The following CAP2 variants were observed in gnomAD, a reference collection of about 807,000 sequenced individuals.
The protein encoded by CAP2 is cyclase associated actin cytoskeleton regulatory protein 2.
Under a neutral mutation model 57.7 loss-of-function variants are expected in CAP2, and 24 were observed. The observed-to-expected ratio is 0.42, with a 90% confidence interval of 0.30 to 0.58. The LOEUF is 0.58. CAP2 is among the 20% of genes least tolerant of loss of function. The probability of loss-of-function intolerance (pLI) is 0.22; values close to 1 mark genes in which losing one functional copy is unlikely to be tolerated. For missense variants in CAP2, 501 were observed against 590.3 expected (o/e 0.85, Z 1.57); for synonymous variants, 194 against 207.2 (o/e 0.94, Z 0.55).
At chr6:17,431,767 T>A (rs1759743877) in intron 3 of CAP2, among the ~76,000 whole-genome samples, 1 of 152,020 alleles carries the variant, frequency 6.6e-6, no homozygotes, top group Non-Finnish European at 1.5e-5. Flanking sequence ...CGAGGCAGGA[T>A]GACATAATTT....
intron 3 of CAP2, among the ~76,000 whole-genome samples, chr6:17,440,855 G>A (rs1465254162): frequency 1.3e-5 from 2 of 150,914 alleles, no homozygotes; most frequent in Non-Finnish European, 2.9e-5. Flanking sequence ...AGTGTGTGAT[G>A]TTCCCCGCCC....
At chr6:17,437,135 T>C (rs1029341950) in intron 3 of CAP2, among the ~76,000 whole-genome samples, 3 of 152,152 alleles carry the variant, frequency 2.0e-5, no homozygotes, top group Non-Finnish European at 4.4e-5. Flanking sequence ...TACAATATAA[T>C]AATAGAAATA....
chr6:17,515,837 G>GT (rs756009848), intron 7 of CAP2, among the ~76,000 whole-genome samples: 9 of 152,088 alleles, frequency 5.9e-5, no homozygotes, highest in Non-Finnish European at 1.2e-4. Context: ...CATGTGAGAT[G>GT]TTGCGCTGAC....
At chr6:17,424,473 C>T (rs994735114) in intron 2 of CAP2, among the ~76,000 whole-genome samples, 8 of 152,186 alleles carry the variant, frequency 5.3e-5, no homozygotes, top group Non-Finnish European at 8.8e-5. Context: ...CAAAGGACCA[C>T]TCTATTATGA....
At chr6:17,538,096 G>A (rs574060995) in intron 7 of CAP2, among the ~76,000 whole-genome samples, 1 of 151,396 alleles carries the variant, frequency 6.6e-6, no homozygotes, top group African/African-American at 2.4e-5. Context: ...ACAGTATATA[G>A]GCCAAGTTTG....
intron 4 of CAP2, among the ~76,000 whole-genome samples, chr6:17,473,545 T>C (rs1313043685): frequency 6.6e-6 from 1 of 152,228 alleles, no homozygotes; most frequent in Non-Finnish European, 1.5e-5. Flanking sequence ...CAAACATATT[T>C]TGACCTTTTA....
intron 4 of CAP2, among the ~76,000 whole-genome samples, chr6:17,470,490 T>G (rs1344671865): frequency 6.6e-6 from 1 of 152,208 alleles, no homozygotes; most frequent in Non-Finnish European, 1.5e-5. Flanking sequence ...TCACATAAGG[T>G]CTGCTCCAGT....
At chr6:17,526,600 C>A (rs1762515749) in intron 7 of CAP2, among the ~76,000 whole-genome samples, 2 of 152,098 alleles carry the variant, frequency 1.3e-5, no homozygotes, top group African/African-American at 4.8e-5. Flanking sequence ...AAACTGTTTT[C>A]TTAAAAAGGG....
In CAP2 at chr6:17,556,411, T is replaced by A. The variant is rs1371456456; in HGVS notation, c.1403T>A (p.Leu468Ter). 1.2e-6 allele frequency: 2 copies of A among 1,613,800 alleles called. No homozygotes were observed. The highest frequency in any genetic ancestry group is 8.5e-7 in the Non-Finnish European group (1 of 1,179,680). The change falls in exon 13 of 13, where the codon TTA becomes TAA. Residue 468 changes from leucine (L) to a stop codon, truncating the protein, a stop_gained. Transcript: ENST00000229922. LOFTEE classifies it high-confidence loss of function. ...AAGACAGCATGGGATGGATCCAAGT[T>A]AATCACTGAACCTGCAGAAATTATG... Reference protein sequence around the residue: ...QFKTAWDGSKLITEPAEIMA With the variant: ...QFKTAWDGSK
intron 11 of CAP2, among the ~76,000 whole-genome samples, chr6:17,547,305 T>C (rs1763069239): frequency 6.6e-6 from 1 of 152,240 alleles, no homozygotes; most frequent in Non-Finnish European, 1.5e-5. Flanking sequence ...CACATAGATC[T>C]ATAGATATAT....
intron 3 of CAP2, among the ~76,000 whole-genome samples, chr6:17,443,885 A>G (rs555606903): frequency 7.9e-4 from 121 of 152,340 alleles, no homozygotes; most frequent in African/African-American, 2.7e-3. Context: ...ATGTTATAAC[A>G]TATTACACAC....
chr6:17,532,664 C>G (rs1762673294), intron 7 of CAP2, among the ~76,000 whole-genome samples: 2 of 150,868 alleles, frequency 1.3e-5, no homozygotes, highest in South Asian at 4.2e-4. Context: ...GGAGAAATCA[C>G]TTGAACCCAG....
intron 4 of CAP2, among the ~76,000 whole-genome samples, chr6:17,485,527 ATG>A (rs1761399262): frequency 6.6e-6 from 1 of 152,166 alleles, no homozygotes; most frequent in African/African-American, 2.4e-5. Flanking sequence ...CTTTCCTGCC[ATG>A]TGAACTCCCA....
At chr6:17,486,067 A>C in intron 4 of CAP2, among the ~76,000 whole-genome samples, 1 of 152,132 alleles carries the variant, frequency 6.6e-6, no homozygotes, top group East Asian at 1.9e-4. Context: ...AAAATAAGCC[A>C]GGCATGGTGG....
At chr6:17,452,411 T>C (rs1760430824) in intron 3 of CAP2, among the ~76,000 whole-genome samples, 1 of 152,236 alleles carries the variant, frequency 6.6e-6, no homozygotes, top group Non-Finnish European at 1.5e-5. Flanking sequence ...TGCCACTTCC[T>C]AATGGCACAC....
chr6:17,403,042 A>G (rs1220012012), intron 1 of CAP2, among the ~76,000 whole-genome samples: 2 of 152,214 alleles, frequency 1.3e-5, no homozygotes, highest in Admixed American at 6.5e-5. Context: ...ATTGATAAAA[A>G]CAAAAAATAA....
At position 17,556,508 on chromosome 6, in the gene CAP2, A is replaced by G. The variant is rs182690368; in HGVS notation, c.*66A>G. Reference sequence around the variant, plus strand: ...ATCAAACAAACAAAAAAGCAGCAGTAAAGAGCTAGAAGTTGCAGTAGCCCC... The same window carrying G: ...ATCAAACAAACAAAAAAGCAGCAGTGAAGAGCTAGAAGTTGCAGTAGCCCC... On this transcript the variant is annotated 3_prime_UTR_variant, in exon 13 of 13. Coordinates refer to ENST00000229922, the MANE Select transcript of CAP2 (RefSeq NM_006366.3). 1.7e-6 allele frequency: 2 copies of G among 1,177,732 alleles called. No individual in the cohort carries two copies. Among genetic ancestry groups the G allele is most frequent in the East Asian group, 4.7e-5 (2 of 42,938 alleles). The allele number at this position is 1,177,732 out of a possible 1,614,324, so 73.0% of individuals were successfully genotyped here.
At position 17,430,540 on chromosome 6, in the gene CAP2, G is replaced by GTT. The variant is rs397949018; in HGVS notation, c.222+3864_222+3865dup. ...CATAAATAGATTTATGTGACTTTGG[G>GTT]TTTTTTTTTTTTTTTCGAGACAGAG... On this transcript the variant is annotated intron_variant, in intron 3 of 12. Coordinates refer to ENST00000229922, the MANE Select transcript of CAP2 (RefSeq NM_006366.3). 2.6e-3 allele frequency among the ~76,000 whole-genome samples: 358 copies of GTT among 138,564 alleles called. 1 individual carries two copies. The highest frequency in any genetic ancestry group is 7.9e-3 in the Middle Eastern group (2 of 252). 90.9% of individuals were successfully genotyped at this position (138,564 alleles called of 152,430 possible). A position where few individuals can be genotyped will look rare whatever the true frequency, so the allele number is the denominator to read the frequency against.
intron 3 of CAP2, among the ~76,000 whole-genome samples, chr6:17,444,517 T>C (rs1760191444): frequency 6.6e-6 from 1 of 151,536 alleles, no homozygotes; most frequent in African/African-American, 2.4e-5. Flanking sequence ...TGCTAGGACC[T>C]GTAGACCCAG....
Sources: allele counts gnomAD v4.1 joint callset (sites outside exome capture counted in the v4.1 genomes callset), GRCh38; gene constraint gnomAD v4.1.1; transcripts MANE v1.5; gene names NCBI Gene and HGNC (gene_info 2026-07-23, HGNC 2026-07-21).